Variants in MOGAT3 observed in about 807,000 individuals in gnomAD.
The protein encoded by MOGAT3 is monoacylglycerol O-acyltransferase 3.
In MOGAT3, 39 loss-of-function variants were observed where a neutral mutation model predicts 34.4. The observed-to-expected ratio is 1.13, with a 90% confidence interval of 0.88 to 1.48. The LOEUF is 1.48. MOGAT3 is among the 40% of genes most tolerant of loss of function. The pLI, the probability that MOGAT3 is intolerant of heterozygous loss-of-function variation, is 0.00. For missense variants in MOGAT3, 439 were observed against 438.9 expected, an observed-to-expected ratio of 1.00 and a Z score of 0.00; for synonymous variants, 209 against 179.2, an observed-to-expected ratio of 1.17 and a Z score of -1.33.
chr7:101,194,328 C>T (rs541595228), downstream of MOGAT3, among the ~76,000 whole-genome samples: 1 of 152,026 alleles, frequency 6.6e-6, no homozygotes, highest in African/African-American at 2.4e-5. Flanking sequence ...GCTGGGTCTA[C>T]AGGAGAGCAC....
chr7:101,198,031 A>T (rs1305577162), intron 5 of MOGAT3, among the ~76,000 whole-genome samples, 160 bp downstream of exon 5: 1 of 152,138 alleles, frequency 6.6e-6, no homozygotes, highest in Non-Finnish European at 1.5e-5. Flanking sequence ...CATGTTTGGT[A>T]CCGAGTCATG....
At chr7:101,198,065 C>T (rs1431995743) in intron 5 of MOGAT3, 126 bp downstream of exon 5, 8 of 1,046,824 alleles carry the variant, frequency 7.6e-6, no homozygotes, top group South Asian at 2.0e-5. Context: ...ACGTGGGCCT[C>T]GGTGCAGGGC....
intron 5 of MOGAT3, among the ~76,000 whole-genome samples, 190 bp from the exon 6 acceptor site, chr7:101,196,579 T>G (rs1183200542): frequency 6.6e-6 from 1 of 152,212 alleles, no homozygotes; most frequent in African/African-American, 2.4e-5. Context: ...TCTTTTTCTT[T>G]GTTTTAGAGA....
chr7:101,197,555 T>G (rs1797824616), intron 5 of MOGAT3, among the ~76,000 whole-genome samples: 3 of 152,110 alleles, frequency 2.0e-5, no homozygotes, highest in Admixed American at 1.3e-4. Context: ...CATTCGGTCT[T>G]TGCAATAACA....
At chr7:101,200,173 T>C (rs577329352) in intron 3 of MOGAT3, 61 bp downstream of exon 3, 1 of 1,407,402 alleles carries the variant, frequency 7.1e-7, no homozygotes, top group African/African-American at 1.4e-5. Flanking sequence ...GAAGGGCTCC[T>C]AGGTGTGGGA....
At position 101,200,792 on chromosome 7, in the gene MOGAT3, T is replaced by C. The variant is rs1584244000; in HGVS notation, c.63A>G (p.Leu21=). ...TTSKTLQKQH[L]EAVGAYQYVL... ...CATATTGGTAGGCGCCCACTGCTTC[T>C]AGATGCTGCTTCTGCAAGGTTTTGG... Residue 21 remains leucine, a synonymous_variant, in exon 1 of 7, where the codon CTA becomes CTG. Transcript: ENST00000223114. 4 of 1,614,064 alleles carry C rather than the reference T, an allele frequency of 2.5e-6. No individual in the cohort carries two copies. The highest frequency in any genetic ancestry group is 3.4e-6 in the Non-Finnish European group (4 of 1,180,038).
chr7:101,195,849 G>T lies in MOGAT3; in HGVS notation c.*97C>A. 1 of 1,369,942 alleles carries T rather than the reference G, an allele frequency of 7.3e-7. No individual in the cohort carries two copies. The highest frequency in any genetic ancestry group is 1.0e-6 in the Non-Finnish European group (1 of 979,126). The allele number at this position is 1,369,942 out of a possible 1,614,324, so 84.9% of individuals were successfully genotyped here. ...ATTACAGGCATGAGGCACTGCGCTG[G>T]GCCCAGAACTACCTTTTATTGGAGG... On this transcript the variant is annotated 3_prime_UTR_variant, in exon 7 of 7. Transcript: ENST00000223114.
At chr7:101,194,565 C>T (rs1797737173), downstream of MOGAT3, among the ~76,000 whole-genome samples, 1 of 141,590 alleles carries the variant, frequency 7.1e-6, no homozygotes. Context: ...TGCAGTGGCA[C>T]AATCTCGGTT....
intron 4 of MOGAT3, 87 bp from the exon 5 acceptor site, chr7:101,198,452 AC>A: frequency 7.1e-7 from 1 of 1,410,690 alleles, no homozygotes. Flanking sequence ...CAAGCCCCCT[AC>A]CCCCATCTCC....
intron 5 of MOGAT3, among the ~76,000 whole-genome samples, chr7:101,196,854 G>T (rs1405429510): frequency 6.6e-6 from 1 of 152,108 alleles, no homozygotes; most frequent in Non-Finnish European, 1.5e-5. Context: ...GGGTGACAGA[G>T]TGAGACTTTG....
At chr7:101,199,504 T>TG (rs940402600) in intron 3 of MOGAT3, among the ~76,000 whole-genome samples, 1 of 151,848 alleles carries the variant, frequency 6.6e-6, no homozygotes, top group Admixed American at 6.6e-5. Context: ...TTAGTAGAGA[T>TG]GGGGTTTCTC....
intron 6 of MOGAT3, 37 bp from the exon 7 acceptor site, chr7:101,196,137 T>C (rs1175561209): frequency 6.3e-7 from 1 of 1,582,386 alleles, no homozygotes; most frequent in Admixed American, 1.9e-5. Context: ...GAGGGATCCC[T>C]GATGCCCACG....
At chr7:101,193,193 G>A (rs1475051940), downstream of MOGAT3, among the ~76,000 whole-genome samples, 1 of 151,908 alleles carries the variant, frequency 6.6e-6, no homozygotes, top group Non-Finnish European at 1.5e-5. Context: ...GGCCTCAAGC[G>A]ATCCTCCCAC....
In MOGAT3 at chr7:101,195,908, C is replaced by A; in HGVS notation, c.*38G>T. 1.2e-6 allele frequency: 2 copies of A among 1,612,352 alleles called. No individual in the cohort carries two copies. The highest frequency in any genetic ancestry group is 8.5e-7 in the Non-Finnish European group (1 of 1,179,104). On this transcript the variant is annotated 3_prime_UTR_variant, in exon 7 of 7. Transcript: ENST00000223114. Reference sequence around the variant, plus strand: ...CCACAGTGGGTGGAGGTCTCAGTGCCTTGGGCTCAGGGGCTCAGCGAAAGG... The same window carrying A: ...CCACAGTGGGTGGAGGTCTCAGTGCATTGGGCTCAGGGGCTCAGCGAAAGG...
chr7:101,193,417 AT>A (rs1797718867), downstream of MOGAT3, among the ~76,000 whole-genome samples: 2 of 151,802 alleles, frequency 1.3e-5, no homozygotes, highest in East Asian at 3.9e-4. Flanking sequence ...CCCAGAGCTG[AT>A]TTATTTTTAT....
intron 3 of MOGAT3, among the ~76,000 whole-genome samples, chr7:101,200,008 G>C (rs1232307804): frequency 2.0e-5 from 3 of 151,744 alleles, no homozygotes; most frequent in African/African-American, 7.3e-5. Flanking sequence ...CATGAGAATA[G>C]CTTGAACCTA....
chr7:101,200,612 C>G (rs528256120), intron 1 of MOGAT3, 97 bp from the exon 2 acceptor site: 20 of 1,288,892 alleles, frequency 1.6e-5, no homozygotes, highest in Non-Finnish European at 2.1e-5. Flanking sequence ...ACAACCAGCT[C>G]TCTCCTCTGG....
Position 101,198,789 on chromosome 7 carries a change from C to T in MOGAT3, c.330G>A (p.Val110=). ...TGATCCCATGAGGGTGGGCGCCCAG[C>T]ACGTAGTTCCGATCCGGGGGCAGCT... ...TAELPPDRNY[V]LGAHPHGIMC... Residue 110 remains valine, a synonymous_variant, in exon 4 of 7, where the codon GTG becomes GTA. Transcript: ENST00000223114. 1 of 1,613,984 alleles carries T rather than the reference C, an allele frequency of 6.2e-7. No homozygotes were observed. The highest frequency in any genetic ancestry group is 8.5e-7 in the Non-Finnish European group (1 of 1,179,992).
rs909736017 is a variant in MOGAT3, at chr7:101,198,233, A to G, written c.626T>C (p.Leu209Pro). The G allele has an allele frequency of 1.2e-6, 2 of 1,613,496 alleles. No homozygotes were observed. Among genetic ancestry groups the G allele is most frequent in the African/African-American group, 2.7e-5 (2 of 75,052 alleles). ...YSVPGEHCLT[L>P]QKRKGFVRLA... Reference sequence around the variant, plus strand: ...GCGCACGAAGCCTTTGCGCTTCTGGAGCGTAAGGCAGTGCTCCCCGGGGAC... The same window carrying G: ...GCGCACGAAGCCTTTGCGCTTCTGGGGCGTAAGGCAGTGCTCCCCGGGGAC... Residue 209 changes from leucine to proline, a missense_variant, in exon 5 of 7, where the codon CTC becomes CCC. Physicochemically the swap from Leu to Pro is moderately conservative, Grantham distance 98. Transcript: ENST00000223114.
Sources: gnomAD v4.1 joint callset for allele counts (sites outside exome capture counted in the v4.1 genomes callset) on GRCh38, gnomAD v4.1.1 for gene constraint, MANE v1.5 for transcripts, NCBI Gene and HGNC (gene_info 2026-07-23, HGNC 2026-07-21) for gene names.